Variants in FBXL20 observed in about 807,000 individuals in gnomAD.
The protein encoded by FBXL20 is F-box and leucine rich repeat protein 20.
In FBXL20, 11 loss-of-function variants were observed where a neutral mutation model predicts 64.0. The ratio of observed to expected loss-of-function variants is 0.17; its 90% CI spans 0.11 to 0.28. FBXL20 has a LOEUF of 0.28. Among genes scored for constraint, FBXL20 ranks in the 10% least tolerant of loss-of-function variants. The pLI is 1.00. For synonymous variants in FBXL20, 184 were observed against 189.0 expected (o/e 0.97, Z 0.22); for missense variants, 303 against 526.2 (o/e 0.58, Z 4.15).
intron 2 of FBXL20, among the ~76,000 whole-genome samples, chr17:39,333,663 C>T (rs558903836): frequency 9.9e-4 from 150 of 151,500 alleles, no homozygotes; most frequent in African/African-American, 3.3e-3. Context: ...AAGTGTGGAG[C>T]GCCTCTTCCC....
rs549632850 is a variant in FBXL20 at position 39,338,102 on chromosome 17, A to G, written c.104+5078T>C. 2.5e-3 allele frequency among the ~76,000 whole-genome samples: 384 copies of G among 151,960 alleles called. 3 individuals carry two copies. Among genetic ancestry groups the G allele is most frequent in the African/African-American group, 8.8e-3 (364 of 41,500 alleles). ...CGCTTTTGTGGAATAGAAAGGGGGG[A>G]AAGGTGGGGAAAAGATTGAGAAATC... On this transcript the variant is annotated intron_variant, in intron 2 of 14. Coordinates refer to ENST00000264658, the MANE Select transcript of FBXL20 (RefSeq NM_032875.3).
Position 39,256,320 on chromosome 17 carries a change from CA to C in FBXL20, c.*5139del, listed in dbSNP as rs34975638. The C allele has an allele frequency of 0.66, 61,085 of 92,054 alleles. 17,917 individuals are homozygous for C. The highest frequency in any genetic ancestry group is 0.8 in the South Asian group (1,975 of 2,456). The allele number at this position is 92,054 out of a possible 1,614,324, so 5.7% of individuals were successfully genotyped here. ...TGGGTGACAGAGCGAGACTCCATGT[CA>C]AAAAAAAAAAAAAAAAAAAGAAATA... On this transcript the variant is annotated 3_prime_UTR_variant, in exon 15 of 15. Transcript: ENST00000264658.
At chr17:39,338,765 G>A (rs930978418) in intron 2 of FBXL20, among the ~76,000 whole-genome samples, 1 of 152,112 alleles carries the variant, frequency 6.6e-6, no homozygotes, top group Non-Finnish European at 1.5e-5. Flanking sequence ...CATTTCTACA[G>A]TATACTTGTC....
At chr17:39,339,499 T>A (rs769251920) in intron 2 of FBXL20, among the ~76,000 whole-genome samples, 3 of 152,104 alleles carry the variant, frequency 2.0e-5, no homozygotes, top group Non-Finnish European at 2.9e-5. Flanking sequence ...ATTTCCTGCT[T>A]CCCTGTTGAA....
At chr17:39,380,988 C>T (rs928687257) in intron 1 of FBXL20, among the ~76,000 whole-genome samples, 5 of 151,668 alleles carry the variant, frequency 3.3e-5, no homozygotes, top group African/African-American at 9.7e-5. Context: ...GGTGAAACCC[C>T]GTCTCTACTA....
intron 10 of FBXL20, among the ~76,000 whole-genome samples, chr17:39,271,707 C>A (rs1054624240): frequency 6.6e-6 from 1 of 151,414 alleles, no homozygotes; most frequent in African/African-American, 2.4e-5. Context: ...CTCCCACAGG[C>A]TCCCATGGAG....
At chr17:39,268,788 T>C (rs1597760624) in intron 12 of FBXL20, 39 bp downstream of exon 12, 1 of 1,554,358 alleles carries the variant, frequency 6.4e-7, no homozygotes, top group South Asian at 1.1e-5. Context: ...TCTAAGTGTC[T>C]ACTATACTGT....
chr17:39,367,298 C>A (rs1271346199), intron 1 of FBXL20, among the ~76,000 whole-genome samples: 1 of 151,370 alleles, frequency 6.6e-6, no homozygotes, highest in East Asian at 1.9e-4. Flanking sequence ...CATTGGACCT[C>A]CTGGTTTATC....
chr17:39,357,579 C>T (rs1179918256), intron 1 of FBXL20, among the ~76,000 whole-genome samples: 1 of 152,170 alleles, frequency 6.6e-6, no homozygotes, highest in African/African-American at 2.4e-5. Context: ...CAGTGTCTTA[C>T]TATGTCACCC....
At chr17:39,286,909 C>CTTTTTTTTTT (rs35221372) in intron 6 of FBXL20, among the ~76,000 whole-genome samples, 1 of 114,562 alleles carries the variant, frequency 8.7e-6, no homozygotes, top group African/African-American at 3.7e-5. Flanking sequence ...GTATCTATTT[C>CTTTTTTTTTT]TTTTTTTTTT....
chr17:39,360,753 T>C (rs950789806), intron 1 of FBXL20, among the ~76,000 whole-genome samples: 7 of 152,148 alleles, frequency 4.6e-5, no homozygotes, highest in East Asian at 1.9e-4. Context: ...CAAACCACTG[T>C]TGGCTAAGCA....
At chr17:39,297,297 T>C (rs892017938) in intron 5 of FBXL20, 102 bp from the exon 6 acceptor site, 13 of 669,056 alleles carry the variant, frequency 1.9e-5, no homozygotes, top group African/African-American at 1.1e-4. Flanking sequence ...TGATTGTTGA[T>C]ATCTGTGATA....
chr17:39,340,108 G>C (rs1407027914), intron 2 of FBXL20, among the ~76,000 whole-genome samples: 1 of 152,038 alleles, frequency 6.6e-6, no homozygotes, highest in Non-Finnish European at 1.5e-5. Flanking sequence ...TGGGGTTTTT[G>C]TTTGTTTGAG....
chr17:39,331,275 A>AT lies in FBXL20; in HGVS notation c.104+11904dup, dbSNP rs562285710. ...GCCATCATGCCCGGCTAATTTTTGTATTTTTAGTAGAGATGGGGTTTTACC... is the reference window on the plus strand; with the variant it reads ...GCCATCATGCCCGGCTAATTTTTGTATTTTTTAGTAGAGATGGGGTTTTACC... On this transcript the variant is annotated intron_variant, in intron 2 of 14. Transcript: ENST00000264658. Among the ~76,000 whole-genome samples the AT allele has an allele frequency of 1.9e-3, 296 of 152,036 alleles. 1 individual carries two copies. The highest frequency in any genetic ancestry group is 6.8e-3 in the Middle Eastern group (2 of 294).
chr17:39,402,081 C>T (rs941407222), upstream of FBXL20: 1 of 1,124,098 alleles, frequency 8.9e-7, no homozygotes, highest in East Asian at 3.2e-5. Context: ...AGCCTCTGCC[C>T]GCGCCCGTCG....
intron 2 of FBXL20, among the ~76,000 whole-genome samples, chr17:39,337,407 C>A (rs1216131422): frequency 6.6e-6 from 1 of 152,154 alleles, no homozygotes; most frequent in Non-Finnish European, 1.5e-5. Context: ...CCGGCCGCCA[C>A]CCCATCTGGG....
At chr17:39,334,617 A>C (rs1190620277) in intron 2 of FBXL20, among the ~76,000 whole-genome samples, 4 of 152,212 alleles carry the variant, frequency 2.6e-5, no homozygotes, top group Non-Finnish European at 5.9e-5. Flanking sequence ...AGTTGAAAAA[A>C]TGAGAAAAAA....
chr17:39,321,338 G>A lies in FBXL20; in HGVS notation c.105-17699C>T, dbSNP rs193225422. 7.8e-4 allele frequency among the ~76,000 whole-genome samples: 118 copies of A among 151,546 alleles called. 1 individual carries two copies. The highest frequency in any genetic ancestry group is 1.3e-3 in the Non-Finnish European group (86 of 67,920). ...ACGGTGGCAGGCACTTGTAATCCCA[G>A]CTAGTCGGGAGGCTGAGGCAGGAGT... is the stretch of plus-strand genomic sequence containing the variant. On this transcript the variant is annotated intron_variant, in intron 2 of 14. Coordinates refer to ENST00000264658, the MANE Select transcript of FBXL20 (RefSeq NM_032875.3).
upstream of FBXL20, chr17:39,402,052 C>A (rs1326675871): frequency 3.3e-6 from 3 of 910,948 alleles, no homozygotes; most frequent in South Asian, 1.1e-4. Flanking sequence ...CAGGCACGCA[C>A]CTGCCTGCAC....
Sources: gnomAD v4.1 joint callset for allele counts (sites outside exome capture counted in the v4.1 genomes callset) on GRCh38, gnomAD v4.1.1 for gene constraint, MANE v1.5 for transcripts, NCBI Gene and HGNC (gene_info 2026-07-23, HGNC 2026-07-21) for gene names.